Variants in NKD2 observed in about 807,000 individuals in gnomAD.
NKD2 encodes NKD inhibitor of Wnt signaling pathway 2.
In NKD2, 43 loss-of-function variants were observed where a neutral mutation model predicts 34.8. The ratio of observed to expected loss-of-function variants is 1.24; its 90% CI spans 0.97 to 1.60. The LOEUF (loss-of-function observed/expected upper bound fraction) is 1.60, where lower values mean the gene tolerates loss of function less well. Among genes scored for constraint, NKD2 ranks in the 40% most tolerant of loss-of-function variants. The pLI, the probability that NKD2 is intolerant of heterozygous loss-of-function variation, is 0.00. For missense variants in NKD2, 675 were observed against 627.1 expected (o/e 1.08, Z -0.82); for synonymous variants, 278 against 265.1 (o/e 1.05, Z -0.47).
chr5:1,032,899 G>C (rs1382380040), intron 4 of NKD2, among the ~76,000 whole-genome samples: 3 of 152,212 alleles, frequency 2.0e-5, no homozygotes, highest in Non-Finnish European at 4.4e-5. Context: ...AGAAACCAGA[G>C]GACTGTTCAT....
chr5:1,013,610 G>C (rs544423028), intron 3 of NKD2, among the ~76,000 whole-genome samples: 50 of 152,378 alleles, frequency 3.3e-4, no homozygotes, highest in African/African-American at 1.1e-3. Flanking sequence ...CCTGGGCCTT[G>C]GGCCCACTGA....
chr5:1,009,535 C>A lies in NKD2; in HGVS notation c.116C>A (p.Ala39Glu). ...YASGRKGAEE[A>E]ERRARDKQEL... ...AGCGGCCGCAAAGGCGCGGAGGAAG[C>A]GGAGCGGCGCGCGCGGGACAAGCAG... is the stretch of plus-strand genomic sequence containing the variant. Residue 39 changes from alanine (A) to glutamate (E), a missense_variant, in exon 3 of 10, where the codon GCG (alanine) becomes GAG (glutamate). Physicochemically the swap from Ala to Glu is moderately radical, Grantham distance 107 (BLOSUM62 -1). Coordinates refer to ENST00000296849, the MANE Select transcript of NKD2 (RefSeq NM_033120.4). The surrounding 1 kb of genome is among the most constrained non-coding windows in gnomAD (Gnocchi z 6.9). 1 of 1,492,306 alleles carries A rather than the reference C, an allele frequency of 6.7e-7. No homozygotes were observed. Among genetic ancestry groups the A allele is most frequent in the Non-Finnish European group, 8.8e-7 (1 of 1,130,008 alleles). The allele number at this position is 1,492,306 out of a possible 1,614,324, so 92.4% of individuals were successfully genotyped here.
intron 8 of NKD2, 145 bp from the exon 9 acceptor site, chr5:1,036,112 G>A (rs985589251): frequency 1.3e-5 from 17 of 1,347,290 alleles, no homozygotes; most frequent in African/African-American, 4.4e-5. Context: ...GTGCCCAGGC[G>A]TCCACTCTCC....
In NKD2 at chr5:1,027,494, C is replaced by T. The variant is rs368259544; in HGVS notation, c.142-4658C>T. On this transcript the variant is annotated intron_variant, in intron 3 of 9. Coordinates refer to ENST00000296849, the MANE Select transcript of NKD2 (RefSeq NM_033120.4). ...CTTCCTCTCTGTCTCTCTCCTCCCT[C>T]CCCGCTCCCTCTCCTCTGCCTCGGC... is the stretch of plus-strand genomic sequence containing the variant. 4.6e-5 allele frequency among the ~76,000 whole-genome samples: 7 copies of T among 152,328 alleles called. 1 individual carries two copies. The highest frequency in any genetic ancestry group is 1.7e-4 in the African/African-American group (7 of 41,564).
chr5:1,014,305 TCAGCCCTG>T (rs377057807), intron 3 of NKD2, among the ~76,000 whole-genome samples: 3 of 152,338 alleles, frequency 2.0e-5, no homozygotes, highest in African/African-American at 7.2e-5. Context: ...AAACCAATCA[TCAGCCCTG>T]CAGCTTTGGG....
chr5:1,016,105 C>G (rs11956888), intron 3 of NKD2, among the ~76,000 whole-genome samples: 10,813 of 152,304 alleles, frequency 0.071, 1,126 homozygotes, highest in African/African-American at 0.23. Flanking sequence ...GATCCCCCCC[C>G]ACACCGGACA....
intron 5 of NKD2, among the ~76,000 whole-genome samples, chr5:1,033,822 T>A (rs1269118543): frequency 6.6e-6 from 1 of 152,180 alleles, no homozygotes; most frequent in Non-Finnish European, 1.5e-5. Context: ...ACAGCCCGAC[T>A]CTCTGCCCGC....
intron 3 of NKD2, among the ~76,000 whole-genome samples, chr5:1,024,079 A>G (rs370958317): frequency 5.0e-3 from 13 of 2,586 alleles, no homozygotes; most frequent in African/African-American, 5.6e-3. Flanking sequence ...GTCTCAGCCC[A>G]TTGTCCCTGC....
In NKD2 at chr5:1,032,130, G is replaced by A. The variant is rs374323387; in HGVS notation, c.142-22G>A. 50 of 1,608,834 alleles carry A rather than the reference G, an allele frequency of 3.1e-5. No individual in the cohort carries two copies. In the Middle Eastern group the frequency reaches 4.9e-4, roughly 16 times the overall value. ...CTGCCCACTGAGCTATGTGGCCACT[G>A]ACTGCCCCGTTCTTCCTGCAGGAGC... On this transcript the variant is annotated intron_variant, in intron 3 of 9. Transcript: ENST00000296849.
rs76026692 is a variant in NKD2 at position 1,012,211 on chromosome 5, T to G, written c.141+2651T>G. ...TGGTTCTGAAGACAAGAGTCACTGT[T>G]AACTGGAATGTTGTTGTGAATGGAG... On this transcript the variant is annotated intron_variant, in intron 3 of 9. Transcript: ENST00000296849. Among the ~76,000 whole-genome samples, 71 of 152,384 alleles carry G rather than the reference T, an allele frequency of 4.7e-4. No homozygotes were observed. In the East Asian group the frequency reaches 0.013, roughly 29 times the overall value.
chr5:1,033,247 C>G, intron 4 of NKD2, 125 bp from the exon 5 acceptor site: 1 of 960,824 alleles, frequency 1.0e-6, no homozygotes, highest in Non-Finnish European at 1.5e-6. Context: ...AGATCGGGCT[C>G]TCAGCTCAGG....
In NKD2 at chr5:1,036,319, C is replaced by CGG; in HGVS notation, c.723_724dup (p.Glu242GlyfsTer187). 1 of 1,612,876 alleles carries CGG rather than the reference C, an allele frequency of 6.2e-7. No individual in the cohort carries two copies. Among genetic ancestry groups the CGG allele is most frequent in the South Asian group, 1.1e-5 (1 of 91,056 alleles). On this transcript the variant is annotated frameshift_variant, in exon 9 of 10. Transcript: ENST00000296849. LOFTEE classifies it high-confidence loss of function. Reference sequence around the variant, plus strand: ...GGGCCCTACTGCGTGGACGAGAACACGGAGCGCAGAAACCACTACCTGGAC... The same window carrying CGG: ...GGGCCCTACTGCGTGGACGAGAACACGGGGAGCGCAGAAACCACTACCTGGAC...
chr5:1,019,566 C>G (rs564978882), intron 3 of NKD2, among the ~76,000 whole-genome samples: 2 of 152,136 alleles, frequency 1.3e-5, no homozygotes, highest in South Asian at 4.1e-4. Context: ...GAGATTGTCG[C>G]GTGCAGGGCA....
At chr5:1,022,263 CT>C (rs1174604831) in intron 3 of NKD2, among the ~76,000 whole-genome samples, 2 of 132,768 alleles carry the variant, frequency 1.5e-5, no homozygotes, top group African/African-American at 2.7e-5. Context: ...CTGTGGGCGT[CT>C]CAGCCCATTG....
At chr5:1,018,110 C>T (rs534192614) in intron 3 of NKD2, among the ~76,000 whole-genome samples, 16 of 152,188 alleles carry the variant, frequency 1.1e-4, no homozygotes, top group African/African-American at 2.2e-4. Context: ...GCAGGGGCTG[C>T]GAGAGACACA....
At chr5:1,037,578 T>C (rs2150753361) in intron 9 of NKD2, 1 of 1,535,814 alleles carries the variant, frequency 6.5e-7, no homozygotes, top group African/African-American at 1.4e-5. Flanking sequence ...GGGACAAGGC[T>C]AGAGGAGTCG....
In NKD2 at chr5:1,014,855, C is replaced by T. The variant is rs180763948; in HGVS notation, c.141+5295C>T. On this transcript the variant is annotated intron_variant, in intron 3 of 9. Transcript: ENST00000296849. ...CCATAGTTGGGAGCCACCATATGGC[C>T]GTGTTACGTGTGGCCCCCTCGCCAG... Among the ~76,000 whole-genome samples the T allele has an allele frequency of 1.4e-4, 21 of 152,354 alleles. 2 individuals are homozygous for T. The East Asian group carries it at 3.9e-3, about 28-fold the overall frequency.
chr5:1,015,130 C>CCCAAGTG (rs1168185422), intron 3 of NKD2, among the ~76,000 whole-genome samples: 1 of 152,252 alleles, frequency 6.6e-6, no homozygotes, highest in Non-Finnish European at 1.5e-5. Flanking sequence ...GGCCTTTTGC[C>CCCAAGTG]CCAAGTGCCG....
intron 3 of NKD2, among the ~76,000 whole-genome samples, chr5:1,010,007 G>T (rs1755688762): frequency 6.6e-6 from 1 of 152,204 alleles, no homozygotes; most frequent in Non-Finnish European, 1.5e-5. Flanking sequence ...TGCTCAATCA[G>T]CAAACATGGC....
Sources: gnomAD v4.1 joint callset for allele counts (sites outside exome capture counted in the v4.1 genomes callset) on GRCh38, gnomAD v4.1.1 for gene constraint, Gnocchi (gnomAD v3.1) non-coding constraint, MANE v1.5 for transcripts, NCBI Gene and HGNC (gene_info 2026-07-23, HGNC 2026-07-21) for gene names.